IL4I1: variants seen among roughly 807,000 people sequenced by gnomAD.
IL4I1 encodes interleukin 4 induced 1, also known as L-amino-acid oxidase.
A neutral mutation model predicts 29.7 loss-of-function variants in IL4I1; 24 were observed. The observed-to-expected ratio is 0.81, with a 90% CI of 0.59 to 1.14. The LOEUF (loss-of-function observed/expected upper bound fraction) is 1.14, where lower values mean the gene tolerates loss of function less well. Among genes scored for constraint, IL4I1 ranks in the 50% most tolerant of loss-of-function variants. IL4I1 has a pLI of 0.00. For missense variants in IL4I1, 686 were observed against 785.6 expected (o/e 0.87, Z 1.52); for synonymous variants, 371 against 352.5 (o/e 1.05, Z -0.59).
At chr19:49,907,972 G>A in intron 2 of IL4I1, 1 of 605,026 alleles carries the variant, frequency 1.7e-6, no homozygotes, top group Non-Finnish European at 2.8e-6. Flanking sequence ...AGGATGAGGT[G>A]GGTGGTCGCA....
intron 2 of IL4I1, among the ~76,000 whole-genome samples, chr19:49,905,577 G>A (rs1239020701): frequency 6.6e-6 from 1 of 152,194 alleles, no homozygotes; most frequent in Non-Finnish European, 1.5e-5. Flanking sequence ...GTCCTCCAGA[G>A]CCCAAGATGG....
intron 2 of IL4I1, among the ~76,000 whole-genome samples, chr19:49,915,808 C>T (rs932659162): frequency 6.6e-6 from 1 of 152,150 alleles, no homozygotes; most frequent in Admixed American, 6.5e-5. Flanking sequence ...GCAACCCTGC[C>T]AGGACTGTGG....
In IL4I1 at chr19:49,907,966, T is replaced by TG. The variant is rs2075360896; in HGVS notation, c.-227-3646dup. On this transcript the variant is annotated intron_variant, in intron 2 of 9. Coordinates refer to the IL4I1 transcript ENST00000341114. ...TCTCCATCACCAGGCTGAGCCAGGA[T>TG]GAGGTGGGTGGTCGCAGTAGGTGAA... 327 of 583,820 alleles carry TG rather than the reference T, an allele frequency of 5.6e-4. 5 individuals carry two copies. The South Asian group carries it at 6.3e-3, about 11-fold the overall frequency. The allele number at this position is 583,820 out of a possible 1,614,324, so 36.2% of individuals were successfully genotyped here.
At chr19:49,895,698 T>TGCCCCCCCCACCCCCCCCCCCC in intron 3 of IL4I1, 117 bp downstream of exon 3, 3 of 705,418 alleles carry the variant, frequency 4.3e-6, no homozygotes, top group Non-Finnish European at 7.1e-6. Flanking sequence ...AGATAGCCTC[T>TGCCCCCCCCACCCCCCCCCCCC]CCCCCCACAT....
At position 49,892,347 on chromosome 19, in the gene IL4I1, G is replaced by T. The variant is rs557771879; in HGVS notation, c.568-874C>A. On this transcript the variant is annotated intron_variant, in intron 5 of 7. Coordinates refer to ENST00000391826, the MANE Select transcript of IL4I1 (RefSeq NM_152899.2). ...TCTGCCTGCCTCGGCCTCCCAAAGT[G>T]CTGGGATTACAGGCGTGAGCCACTG... is the stretch of plus-strand genomic sequence containing the variant. Among the ~76,000 whole-genome samples the T allele has an allele frequency of 1.2e-4, 19 of 152,298 alleles. No homozygotes were observed. In the South Asian group the frequency reaches 3.9e-3, roughly 32 times the overall value.
chr19:49,912,801 A>C (rs911692200), intron 2 of IL4I1: 1 of 151,890 alleles, frequency 6.6e-6, no homozygotes, highest in Non-Finnish European at 1.5e-5. Flanking sequence ...AGGGAGGTGG[A>C]GGCTGCAGTG....
chr19:49,890,702 G>A, intron 7 of IL4I1, 102 bp from the exon 8 acceptor site: 1 of 845,468 alleles, frequency 1.2e-6, no homozygotes, highest in South Asian at 1.9e-5. Flanking sequence ...TATGGGCACC[G>A]GCCCGCTCCC....
Position 49,905,003 on chromosome 19 carries a change from C to T in IL4I1, c.-227-682G>A, listed in dbSNP as rs551795222. On this transcript the variant is annotated intron_variant, in intron 2 of 9. Transcript: ENST00000341114. ...GGGATTACAGGCATGAGCCACCGTG[C>T]CCAGCCCCTAATTTTTGTATTTTTA... Among the ~76,000 whole-genome samples the T allele has an allele frequency of 1.1e-4, 17 of 152,288 alleles. No homozygotes were observed. In the South Asian group the frequency reaches 3.5e-3, roughly 32 times the overall value.
chr19:49,924,506 C>T (rs1445841591), intron 2 of IL4I1, among the ~76,000 whole-genome samples: 1 of 152,174 alleles, frequency 6.6e-6, no homozygotes, highest in African/African-American at 2.4e-5. Flanking sequence ...GCAACCACCG[C>T]CTCACTCCCC....
At chr19:49,911,554 C>A (rs2075463372) in intron 2 of IL4I1, among the ~76,000 whole-genome samples, 1 of 152,106 alleles carries the variant, frequency 6.6e-6, no homozygotes, top group South Asian at 2.1e-4. Flanking sequence ...CTACCCCCAC[C>A]CCTTCCACTG....
intron 4 of IL4I1, 61 bp downstream of exon 4, chr19:49,895,007 G>A (rs1481819949): frequency 3.9e-6 from 5 of 1,293,900 alleles, no homozygotes; most frequent in Non-Finnish European, 5.6e-6. Flanking sequence ...ACTCTGGTGT[G>A]GGCATGGAGC....
upstream of IL4I1, among the ~76,000 whole-genome samples, chr19:49,899,632 C>T (rs964420106): frequency 1.3e-5 from 2 of 151,788 alleles, no homozygotes; most frequent in Admixed American, 6.6e-5. Context: ...TCTTGGCTCA[C>T]TGCAAGCTCC....
intron 2 of IL4I1, among the ~76,000 whole-genome samples, chr19:49,922,795 G>A (rs1420939193): frequency 2.6e-5 from 4 of 151,974 alleles, no homozygotes; most frequent in East Asian, 1.9e-4. Context: ...CTGCGGCCCC[G>A]GTGCCTTTCA....
intron 2 of IL4I1, among the ~76,000 whole-genome samples, chr19:49,924,667 C>G (rs948055745): frequency 6.6e-6 from 1 of 152,156 alleles, no homozygotes; most frequent in Non-Finnish European, 1.5e-5. Context: ...AATGTGCACA[C>G]GAGGGGACTC....
chr19:49,893,985 CAAAAAAAAAA>C (rs996597872), intron 5 of IL4I1, among the ~76,000 whole-genome samples: 41 of 19,672 alleles, frequency 2.1e-3, no homozygotes, highest in Admixed American at 4.6e-3. Context: ...GACTCCATCT[CAAAAAAAAAA>C]AAAAAAAAAA....
chr19:49,915,752 A>C (rs981387720), intron 2 of IL4I1, among the ~76,000 whole-genome samples: 4 of 152,184 alleles, frequency 2.6e-5, no homozygotes, highest in Admixed American at 2.6e-4. Context: ...TACAGAAAGG[A>C]AAGTGAGGTG....
chr19:49,896,095 G>T (rs146512348), intron 2 of IL4I1, 42 bp from the exon 3 acceptor site: 3 of 1,590,846 alleles, frequency 1.9e-6, no homozygotes, highest in Non-Finnish European at 2.6e-6. Context: ...GTGGCAGGTC[G>T]GGGGAGAGGG....
chr19:49,928,401 C>T (rs1042120821), intron 1 of IL4I1: 1 of 152,136 alleles, frequency 6.6e-6, no homozygotes, highest in Admixed American at 6.5e-5. Flanking sequence ...CCTGTAGTCC[C>T]AGCTACTCGG....
At chr19:49,898,588 C>T (rs1440476431), upstream of IL4I1, among the ~76,000 whole-genome samples, 2 of 152,044 alleles carry the variant, frequency 1.3e-5, no homozygotes, top group Non-Finnish European at 2.9e-5. Context: ...GCATTTGAGG[C>T]CAGGCACAGT....
Sources: allele counts gnomAD v4.1 joint callset (sites outside exome capture counted in the v4.1 genomes callset), GRCh38; gene constraint gnomAD v4.1.1; transcripts MANE v1.5; gene names NCBI Gene and HGNC (gene_info 2026-07-23, HGNC 2026-07-21).